EPHA6: variants seen among roughly 807,000 people sequenced by gnomAD.
The protein encoded by EPHA6 is EPH receptor A6.
Under a neutral mutation model 112.0 loss-of-function variants are expected in EPHA6, and 50 were observed. The ratio of observed to expected loss-of-function variants is 0.45; its 90% CI spans 0.36 to 0.56. The LOEUF is 0.56. Ranked by LOEUF, EPHA6 falls within the 20% of genes least tolerant of loss-of-function variation. The pLI is 0.00. For synonymous variants in EPHA6, 529 were observed against 490.7 expected, an observed-to-expected ratio of 1.08 and a Z score of -1.03; for missense variants, 1,280 against 1,417.4, an observed-to-expected ratio of 0.90 and a Z score of 1.56.
At position 97,616,571 on chromosome 3, in the gene EPHA6, A is replaced by G. The variant is rs143085049; in HGVS notation, c.2574+5717A>G. 1.9e-3 allele frequency among the ~76,000 whole-genome samples: 293 copies of G among 152,284 alleles called. 1 individual carries two copies. Among genetic ancestry groups the G allele is most frequent in the African/African-American group, 6.6e-3 (274 of 41,572 alleles). ...GGAGCTGACAGTCAAAATAGCCAGT[A>G]TAGAGAACATAACTGAACTGATTGA... On this transcript the variant is annotated intron_variant, in intron 13 of 17. Transcript: ENST00000389672.
intron 3 of EPHA6, among the ~76,000 whole-genome samples, chr3:97,092,317 G>A (rs2047097548): frequency 6.6e-6 from 1 of 152,086 alleles, no homozygotes; most frequent in Admixed American, 6.6e-5. Flanking sequence ...GAACGAGAGT[G>A]ACAACAGGAG....
chr3:97,271,595 T>C (rs2079883246), intron 5 of EPHA6, among the ~76,000 whole-genome samples: 1 of 152,332 alleles, frequency 6.6e-6, no homozygotes, highest in Admixed American at 6.5e-5. Flanking sequence ...TGACCTCAGG[T>C]GATCTGCCCG....
At chr3:96,947,605 G>C (rs9758132) in intron 2 of EPHA6, among the ~76,000 whole-genome samples, 2,061 of 152,140 alleles carry the variant, frequency 0.014, 51 homozygotes, top group African/African-American at 0.045. Context: ...ACACCAACAA[G>C]AGACAAACAG....
At chr3:97,585,374 T>C (rs1208742712) in intron 11 of EPHA6, among the ~76,000 whole-genome samples, 2 of 152,220 alleles carry the variant, frequency 1.3e-5, no homozygotes, top group African/African-American at 4.8e-5. Context: ...GCTAGTGCTA[T>C]AGTTTTAAAA....
intron 3 of EPHA6, among the ~76,000 whole-genome samples, chr3:97,225,831 T>C (rs532140951): frequency 6.6e-6 from 1 of 152,362 alleles, no homozygotes; most frequent in African/African-American, 2.4e-5. Context: ...TCTTCTTGAC[T>C]ACTCAGAAGA....
chr3:97,384,462 C>G (rs1280609908), intron 5 of EPHA6, among the ~76,000 whole-genome samples: 1 of 152,136 alleles, frequency 6.6e-6, no homozygotes, highest in African/African-American at 2.4e-5. Flanking sequence ...CTGCCATCCC[C>G]ACTCATTCAC....
chr3:96,987,027 T>TTACAACAACCC (rs1185801080), intron 2 of EPHA6, among the ~76,000 whole-genome samples: 2 of 152,204 alleles, frequency 1.3e-5, no homozygotes, highest in African/African-American at 4.8e-5. Flanking sequence ...AATTTACACC[T>TTACAACAACCC]TACAACAACC....
At chr3:97,296,896 G>A (rs1384965277) in intron 5 of EPHA6, among the ~76,000 whole-genome samples, 1 of 152,156 alleles carries the variant, frequency 6.6e-6, no homozygotes, top group East Asian at 1.9e-4. Flanking sequence ...GTAGTCCTCT[G>A]GGTGAACACA....
intron 5 of EPHA6, among the ~76,000 whole-genome samples, chr3:97,263,167 C>G (rs912376161): frequency 6.6e-6 from 1 of 152,024 alleles, no homozygotes; most frequent in Non-Finnish European, 1.5e-5. Flanking sequence ...ACCATACCTA[C>G]AGTATAATCT....
chr3:97,540,278 T>C (rs1246855969), intron 11 of EPHA6, among the ~76,000 whole-genome samples: 2 of 152,166 alleles, frequency 1.3e-5, no homozygotes, highest in East Asian at 3.8e-4. Flanking sequence ...CTGGGAACTA[T>C]TTGCCATGTG....
At chr3:96,980,091 A>T (rs934133725) in intron 2 of EPHA6, among the ~76,000 whole-genome samples, 14 of 152,130 alleles carry the variant, frequency 9.2e-5, no homozygotes, top group Non-Finnish European at 1.9e-4. Context: ...TTTTGTGGCC[A>T]TTGCTTTTGG....
At chr3:97,669,147 G>A (rs2030506906) in intron 14 of EPHA6, among the ~76,000 whole-genome samples, 1 of 151,826 alleles carries the variant, frequency 6.6e-6, no homozygotes, top group South Asian at 2.1e-4. Context: ...AGGCTCTGAA[G>A]TAACTTTCAG....
intron 3 of EPHA6, among the ~76,000 whole-genome samples, chr3:97,174,234 CT>C (rs2076774125): frequency 6.6e-6 from 1 of 151,748 alleles, no homozygotes; most frequent in Admixed American, 6.6e-5. Flanking sequence ...AGATCTCATT[CT>C]TTTTTATGGC....
chr3:96,998,743 G>A (rs576615456), intron 3 of EPHA6, among the ~76,000 whole-genome samples: 1 of 151,786 alleles, frequency 6.6e-6, no homozygotes, highest in Non-Finnish European at 1.5e-5. Flanking sequence ...TTTAACCTGA[G>A]AAAGAGAGAG....
chr3:97,306,094 G>A (rs943218950), intron 5 of EPHA6, among the ~76,000 whole-genome samples: 3 of 151,716 alleles, frequency 2.0e-5, no homozygotes, highest in Non-Finnish European at 4.4e-5. Flanking sequence ...AATCTGAAAA[G>A]GTTTTAAGAA....
chr3:97,319,090 C>T lies in EPHA6; in HGVS notation c.1606+74803C>T, dbSNP rs145466005. ...GAGAGTTCTTAGAGAAATTCTCTTACGACATCACTTGTACTTTTATCATGA... is the reference window on the plus strand; with the variant it reads ...GAGAGTTCTTAGAGAAATTCTCTTATGACATCACTTGTACTTTTATCATGA... On this transcript the variant is annotated intron_variant, in intron 5 of 17. Coordinates refer to ENST00000389672, the MANE Select transcript of EPHA6 (RefSeq NM_001080448.3). Among the ~76,000 whole-genome samples, 169 of 151,404 alleles carry T rather than the reference C, an allele frequency of 1.1e-3. 4 individuals carry two copies. Among genetic ancestry groups the T allele is most frequent in the African/African-American group, 3.8e-3 (155 of 41,172 alleles).
At chr3:97,173,099 G>T (rs1254894824) in intron 3 of EPHA6, among the ~76,000 whole-genome samples, 1 of 151,678 alleles carries the variant, frequency 6.6e-6, no homozygotes, top group Admixed American at 6.6e-5. Flanking sequence ...TAAACTTTTT[G>T]AGATATCTTA....
chr3:97,535,571 A>G (rs1320418559), intron 11 of EPHA6, among the ~76,000 whole-genome samples: 1 of 152,166 alleles, frequency 6.6e-6, no homozygotes, highest in Non-Finnish European at 1.5e-5. Context: ...AAGCCAATAA[A>G]TAAATGAGTG....
intron 14 of EPHA6, among the ~76,000 whole-genome samples, chr3:97,695,857 G>A (rs2033005134): frequency 6.6e-6 from 1 of 152,156 alleles, no homozygotes; most frequent in Non-Finnish European, 1.5e-5. Context: ...ACTTTATAAC[G>A]ATATGCATTA....
Sources: allele counts gnomAD v4.1 joint callset (sites outside exome capture counted in the v4.1 genomes callset), GRCh38; gene constraint gnomAD v4.1.1; transcripts MANE v1.5; gene names NCBI Gene and HGNC (gene_info 2026-07-23, HGNC 2026-07-21).